Variants in LBR observed in about 807,000 individuals in gnomAD.
The protein encoded by LBR is lamin B receptor.
LBR carries 28 observed loss-of-function variants against 74.3 expected under a neutral mutation model. The observed-to-expected ratio is 0.38, with a 90% CI of 0.28 to 0.52. LBR has a LOEUF of 0.52. Ranked by LOEUF, LBR falls within the 20% of genes least tolerant of loss-of-function variation. LBR has a pLI of 0.89. For missense variants in LBR, 717 were observed against 760.3 expected, an observed-to-expected ratio of 0.94 and a Z score of 0.67; for synonymous variants, 228 against 269.3, an observed-to-expected ratio of 0.85 and a Z score of 1.50.
intron 3 of LBR, among the ~76,000 whole-genome samples, chr1:225,421,765 CATG>C (rs2096127807): frequency 6.6e-6 from 1 of 152,194 alleles, no homozygotes; most frequent in Non-Finnish European, 1.5e-5. Flanking sequence ...CCATTTCATA[CATG>C]ATATGAACTT....
chr1:225,426,480 C>T (rs189612564), intron 1 of LBR, among the ~76,000 whole-genome samples: 1 of 152,320 alleles, frequency 6.6e-6, no homozygotes, highest in East Asian at 1.9e-4. Context: ...CACGGAGACC[C>T]TCAGGTTTTT....
intron 13 of LBR, 145 bp downstream of exon 13, chr1:225,404,259 C>G: frequency 9.6e-7 from 1 of 1,041,620 alleles, no homozygotes; most frequent in Middle Eastern, 3.1e-4. Flanking sequence ...GCCAGAGGAG[C>G]TTCTACAGAG....
intron 7 of LBR, chr1:225,414,253 A>G: frequency 2.4e-6 from 1 of 413,094 alleles, no homozygotes; most frequent in Non-Finnish European, 4.9e-6. Context: ...TGTCTAAACT[A>G]TCTTTGGCTT....
chr1:225,411,266 G>A, intron 9 of LBR, 71 bp downstream of exon 9: 1 of 1,074,958 alleles, frequency 9.3e-7, no homozygotes, highest in South Asian at 1.2e-5. Flanking sequence ...TTTTTGAATG[G>A]TCTACATTTC....
chr1:225,422,549 T>G (rs1424006175), intron 2 of LBR: 2 of 439,606 alleles, frequency 4.5e-6, no homozygotes, highest in African/African-American at 4.0e-5. Context: ...TAGCTGTACT[T>G]ATTTCCAACA....
Position 225,422,117 on chromosome 1 carries a change from G to C in LBR, c.326C>G (p.Ala109Gly), listed in dbSNP as rs568717962. 72 of 1,614,102 alleles carry C rather than the reference G, an allele frequency of 4.5e-5. No individual in the cohort carries two copies. Among genetic ancestry groups the C allele is most frequent in the Admixed American group, 3.0e-4 (18 of 60,022 alleles). Residue 109 changes from alanine to glycine, a missense_variant, in exon 3 of 14, where the codon GCA becomes GGA. By Grantham distance (60) the Ala-to-Gly change is moderately conservative. Coordinates refer to ENST00000272163, the MANE Select transcript of LBR (RefSeq NM_002296.4). The stretch of plus-strand genomic sequence containing the variant: ...CAATTTAACTTCCACTTCCCTCCTT[G>C]CTTCCTTAATGTCGGCCTGGTGGGA... ...SASHQADIKEARREVEVKLTP... is the reference protein window; with the variant it reads ...SASHQADIKEGRREVEVKLTP...
At chr1:225,408,720 G>C (rs2096097769) in intron 10 of LBR, among the ~76,000 whole-genome samples, 1 of 152,368 alleles carries the variant, frequency 6.6e-6, no homozygotes, top group Non-Finnish European at 1.5e-5. Flanking sequence ...ACTGAGAACA[G>C]ACAGAAAACA....
rs2096102051 is a variant in LBR at position 225,410,309 on chromosome 1, C to A, written c.1296G>T (p.Val432=). Residue 432 remains valine (V), a synonymous_variant, in exon 10 of 14, where the codon GTG becomes GTT. Transcript: ENST00000272163. ...LVNSFQLLYV[V]DALWNEEALL... is the part of the protein sequence containing the mutation. The stretch of plus-strand genomic sequence containing the variant: ...TAATTACCTCATTCCAGAGAGCATC[C>A]ACCACATAGAGAAGCTGGAAACTAT... 6.2e-7 allele frequency: 1 copy of A among 1,614,026 alleles called. No homozygotes were observed. The highest frequency in any genetic ancestry group is 8.5e-7 in the Non-Finnish European group (1 of 1,180,038).
chr1:225,424,858 G>A (rs2096136058), intron 1 of LBR, among the ~76,000 whole-genome samples: 1 of 152,176 alleles, frequency 6.6e-6, no homozygotes, highest in African/African-American at 2.4e-5. Context: ...CACCCTTTTT[G>A]AAATATCAAT....
intron 9 of LBR, among the ~76,000 whole-genome samples, chr1:225,410,842 C>T (rs2096103577): frequency 6.6e-6 from 1 of 152,162 alleles, no homozygotes; most frequent in Non-Finnish European, 1.5e-5. Flanking sequence ...AGGACAACAG[C>T]GGAAAAACTG....
At chr1:225,428,722 C>G (rs1211758902), upstream of LBR, 1 of 152,160 alleles carries the variant, frequency 6.6e-6, no homozygotes, top group Admixed American at 6.5e-5. Context: ...AGGAGGGGCT[C>G]GGTTGTTACC....
chr1:225,422,046 C>A (rs201513962), intron 3 of LBR, 31 bp downstream of exon 3: 20 of 1,598,308 alleles, frequency 1.3e-5, no homozygotes, highest in Non-Finnish European at 1.7e-5. Flanking sequence ...AAGCGGAAGA[C>A]AAAAGGCTGT....
chr1:225,423,797 T>C, intron 2 of LBR, 114 bp downstream of exon 2: 1 of 992,336 alleles, frequency 1.0e-6, no homozygotes, highest in Non-Finnish European at 1.6e-6. Flanking sequence ...AAGCAAGAGC[T>C]CAATCCTCTG....
intron 2 of LBR, among the ~76,000 whole-genome samples, chr1:225,423,284 A>G (rs2096131511): frequency 6.6e-6 from 1 of 152,194 alleles, no homozygotes; most frequent in Non-Finnish European, 1.5e-5. Flanking sequence ...AGATATCTTA[A>G]AACCCAGGCC....
chr1:225,423,022 G>A lies in LBR; in HGVS notation c.166-745C>T, dbSNP rs567218959. Among the ~76,000 whole-genome samples the A allele has an allele frequency of 1.2e-4, 18 of 152,258 alleles. No homozygotes were observed. In the East Asian group the frequency reaches 3.5e-3, roughly 29 times the overall value. On this transcript the variant is annotated intron_variant, in intron 2 of 13. Transcript: ENST00000272163. ...ATAAAGTCTAAAATATTTACTTTCTGTGCTTTATTCCTGGTCTAGAGCACT... is the reference window on the plus strand; with the variant it reads ...ATAAAGTCTAAAATATTTACTTTCTATGCTTTATTCCTGGTCTAGAGCACT...
intron 8 of LBR, 24 bp downstream of exon 8, chr1:225,412,430 A>G (rs1205404725): frequency 6.2e-7 from 1 of 1,611,856 alleles, no homozygotes. Flanking sequence ...GCATTCATCC[A>G]ACATGCAATT....
rs771566608 is a variant in LBR at position 225,419,717 on chromosome 1, G to C, written c.448C>G (p.Gln150Glu). 2 of 1,604,548 alleles carry C rather than the reference G, an allele frequency of 1.2e-6. No individual in the cohort carries two copies. The highest frequency in any genetic ancestry group is 1.7e-6 in the Non-Finnish European group (2 of 1,172,868). Residue 150 changes from glutamine to glutamate, a missense_variant and splice_region_variant, in exon 4 of 14, where the codon CAG (glutamine) becomes GAG (glutamate). Physicochemically the swap from Gln to Glu is conservative, Grantham distance 29 (BLOSUM62 2). Transcript: ENST00000272163. ...ERNDAPHKNT[Q>E]EKFSLSQESS... ...GATGAAAGGGAACACTTTCCCACCT[G>C]TGTATTTTTATGAGGTGCGTCATTT...
At chr1:225,415,399 C>CATAT in intron 6 of LBR, 67 bp from the exon 7 acceptor site, 1 of 788,148 alleles carries the variant, frequency 1.3e-6, no homozygotes, top group Non-Finnish European at 2.1e-6. Flanking sequence ...TATACACACA[C>CATAT]ACATATATAT....
At chr1:225,414,020 C>T (rs1451997890) in intron 7 of LBR, 2 of 456,760 alleles carry the variant, frequency 4.4e-6, no homozygotes, top group South Asian at 3.1e-5. Context: ...GCAAAGTCAA[C>T]AACCCACCTC....
Sources: allele counts gnomAD v4.1 joint callset (sites outside exome capture counted in the v4.1 genomes callset), GRCh38; gene constraint gnomAD v4.1.1; transcripts MANE v1.5; gene names NCBI Gene and HGNC (gene_info 2026-07-23, HGNC 2026-07-21).